The following CADPS2 variants were observed in gnomAD, a reference collection of about 807,000 sequenced individuals.
CADPS2 encodes the protein calcium dependent secretion activator 2.
CADPS2 carries 93 observed loss-of-function variants against 172.5 expected under a neutral mutation model. That is an observed-to-expected ratio of 0.54 (90% confidence interval 0.46 to 0.64). CADPS2 has a LOEUF of 0.64. Ranked by LOEUF, CADPS2 falls within the 30% of genes least tolerant of loss-of-function variation. The pLI, the probability that CADPS2 is intolerant of heterozygous loss-of-function variation, is 0.00. For missense variants in CADPS2, 1,420 were observed against 1,565.9 expected (o/e 0.91, Z 1.57); for synonymous variants, 546 against 555.2 (o/e 0.98, Z 0.23).
At chr7:122,466,171 T>C (rs533533303) in intron 14 of CADPS2, among the ~76,000 whole-genome samples, 1 of 152,290 alleles carries the variant, frequency 6.6e-6, no homozygotes, top group South Asian at 2.1e-4. Context: ...TATAGTCTAA[T>C]ATATACTAAA....
Position 122,491,309 on chromosome 7 carries a change from T to C in CADPS2, c.1651+3A>G, listed in dbSNP as rs2058261024. 1.3e-6 allele frequency: 2 copies of C among 1,578,908 alleles called. No individual in the cohort carries two copies. Among genetic ancestry groups the C allele is most frequent in the Non-Finnish European group, 1.7e-6 (2 of 1,158,096 alleles). On this transcript the variant is annotated splice_donor_region_variant and intron_variant, in intron 10 of 29. Transcript: ENST00000449022. ...CAGGAAAAGTGATTCAATTAAGATT[T>C]ACCTGGGTGGGGATCGGTATAATCC...
At chr7:122,840,846 C>A (rs1810277663) in intron 1 of CADPS2, among the ~76,000 whole-genome samples, 2 of 151,952 alleles carry the variant, frequency 1.3e-5, no homozygotes, top group Non-Finnish European at 2.9e-5. Context: ...TAATAAATAT[C>A]TACAGAAAAT....
At chr7:122,584,865 A>G (rs1252768719) in intron 6 of CADPS2, among the ~76,000 whole-genome samples, 1 of 151,946 alleles carries the variant, frequency 6.6e-6, no homozygotes, top group African/African-American at 2.4e-5. Flanking sequence ...TAGCCTGCAT[A>G]ATATTGATCA....
chr7:122,701,758 G>C (rs1235168667), intron 2 of CADPS2: 2 of 1,025,470 alleles, frequency 2.0e-6, no homozygotes, highest in East Asian at 2.4e-5. Context: ...TCTACATAAA[G>C]TACAATAAGA....
At chr7:122,848,135 T>A (rs1484767903) in intron 1 of CADPS2, among the ~76,000 whole-genome samples, 1 of 152,176 alleles carries the variant, frequency 6.6e-6, no homozygotes, top group East Asian at 1.9e-4. Flanking sequence ...ATACTCAACA[T>A]TTTGCCTTTA....
intron 17 of CADPS2, among the ~76,000 whole-genome samples, chr7:122,423,261 T>G (rs2048749895): frequency 6.6e-6 from 1 of 152,092 alleles, no homozygotes; most frequent in Non-Finnish European, 1.5e-5. Context: ...TCTCAATACT[T>G]ATAGGCTTTC....
chr7:122,739,525 ATCT>A (rs944583066), intron 1 of CADPS2, among the ~76,000 whole-genome samples: 5 of 152,276 alleles, frequency 3.3e-5, no homozygotes, highest in South Asian at 4.1e-4. Context: ...TGGGCAAATC[ATCT>A]TCTTGGAAGC....
chr7:122,596,548 A>T (rs922649528), intron 6 of CADPS2, among the ~76,000 whole-genome samples: 25 of 152,236 alleles, frequency 1.6e-4, no homozygotes, highest in Non-Finnish European at 3.1e-4. Context: ...AATGTAAACA[A>T]ATACTATAGC....
chr7:122,650,868 T>C (rs1029479681), intron 3 of CADPS2, among the ~76,000 whole-genome samples: 6 of 152,122 alleles, frequency 3.9e-5, no homozygotes, highest in Non-Finnish European at 7.3e-5. Context: ...TTATGATACA[T>C]TTATTTACCA....
chr7:122,620,087 A>ATAGTTTT (rs1163135136), intron 5 of CADPS2, among the ~76,000 whole-genome samples: 9 of 152,356 alleles, frequency 5.9e-5, no homozygotes, highest in African/African-American at 2.2e-4. Context: ...TTTTTCTGCC[A>ATAGTTTT]TAAACTAAGG....
chr7:122,825,414 G>A (rs1413091634), intron 1 of CADPS2, among the ~76,000 whole-genome samples: 1 of 152,122 alleles, frequency 6.6e-6, no homozygotes, highest in East Asian at 1.9e-4. Flanking sequence ...AAAGCATGGT[G>A]CAAATAATGT....
At chr7:122,387,387 C>T (rs1028847078) in intron 23 of CADPS2, among the ~76,000 whole-genome samples, 1 of 151,968 alleles carries the variant, frequency 6.6e-6, no homozygotes, top group African/African-American at 2.4e-5. Flanking sequence ...TTAAGCCTAG[C>T]TTCATGCAGT....
At chr7:122,510,830 T>C (rs2059955912) in intron 9 of CADPS2, among the ~76,000 whole-genome samples, 2 of 152,154 alleles carry the variant, frequency 1.3e-5, no homozygotes, top group Non-Finnish European at 1.5e-5. Flanking sequence ...TGAATCTCCA[T>C]ACATATCCAT....
chr7:122,526,183 TTTA>T (rs2061220159), intron 8 of CADPS2, among the ~76,000 whole-genome samples: 1 of 26,710 alleles, frequency 3.7e-5, no homozygotes. Flanking sequence ...GATACACTTA[TTTA>T]TTTATTTATT....
intron 17 of CADPS2, among the ~76,000 whole-genome samples, chr7:122,431,289 T>C (rs144354382): frequency 1.3e-5 from 2 of 152,290 alleles, no homozygotes; most frequent in African/African-American, 2.4e-5. Flanking sequence ...GCACTGTGGA[T>C]AAGAAGTTGT....
intron 6 of CADPS2, among the ~76,000 whole-genome samples, chr7:122,593,613 T>G (rs1679335987): frequency 1.3e-5 from 2 of 152,092 alleles, no homozygotes; most frequent in Admixed American, 1.3e-4. Context: ...AGCATCCATA[T>G]TAGTACTGCT....
chr7:122,623,029 A>G (rs2075752579), intron 4 of CADPS2, among the ~76,000 whole-genome samples: 1 of 152,208 alleles, frequency 6.6e-6, no homozygotes, highest in Non-Finnish European at 1.5e-5. Context: ...TTCTTTTTAA[A>G]ATAATTTACA....
intron 2 of CADPS2, chr7:122,698,618 A>C: frequency 6.2e-7 from 1 of 1,614,080 alleles, no homozygotes; most frequent in Non-Finnish European, 8.5e-7. Context: ...AGTGCAAGCC[A>C]GGTCTCTGAG....
intron 1 of CADPS2, among the ~76,000 whole-genome samples, chr7:122,755,730 A>G (rs988493420): frequency 7.1e-6 from 1 of 140,562 alleles, no homozygotes; most frequent in Non-Finnish European, 1.6e-5. Flanking sequence ...TAGAGAGGCT[A>G]AAAAAAAAAA....
Sources: gnomAD v4.1 joint callset for allele counts (sites outside exome capture counted in the v4.1 genomes callset) on GRCh38, gnomAD v4.1.1 for gene constraint, MANE v1.5 for transcripts, NCBI Gene and HGNC (gene_info 2026-07-23, HGNC 2026-07-21) for gene names.